TMEM178B: variants seen among roughly 807,000 people sequenced by gnomAD.
The protein encoded by TMEM178B is transmembrane protein 178B.
A neutral mutation model predicts 31.0 loss-of-function variants in TMEM178B; 5 were observed. The observed-to-expected ratio is 0.16, with a 90% CI of 0.08 to 0.34. The LOEUF (loss-of-function observed/expected upper bound fraction) is 0.34. Among genes scored for constraint, TMEM178B ranks in the 10% least tolerant of loss-of-function variants. The pLI, the probability that TMEM178B is intolerant of heterozygous loss-of-function variation, is 1.00. For synonymous variants in TMEM178B, 164 were observed against 164.0 expected (o/e 1.00, Z 0.00); for missense variants, 275 against 400.3 (o/e 0.69, Z 2.67).
chr7:141,305,357 C>T (rs1798798755), intron 2 of TMEM178B, among the ~76,000 whole-genome samples: 1 of 152,186 alleles, frequency 6.6e-6, no homozygotes, highest in South Asian at 2.1e-4. Context: ...TTGTCATACC[C>T]ACCCAATGAG....
At chr7:141,349,473 C>T (rs902457804) in intron 2 of TMEM178B, among the ~76,000 whole-genome samples, 2 of 152,206 alleles carry the variant, frequency 1.3e-5, no homozygotes, top group Non-Finnish European at 2.9e-5. Flanking sequence ...AGATATTCAA[C>T]ATGCGTATTT....
At chr7:141,172,100 G>T (rs1411142087) in intron 1 of TMEM178B, among the ~76,000 whole-genome samples, 1 of 152,178 alleles carries the variant, frequency 6.6e-6, no homozygotes, top group Non-Finnish European at 1.5e-5. Flanking sequence ...GGAAACTGAG[G>T]CATATAGAGA....
intron 2 of TMEM178B, among the ~76,000 whole-genome samples, chr7:141,296,225 G>A (rs186012904): frequency 1.5e-4 from 23 of 152,082 alleles, no homozygotes; most frequent in Admixed American, 1.1e-3. Flanking sequence ...GTACCATCAC[G>A]CTCGTCTAAT....
chr7:141,153,862 T>A (rs1796022498), intron 1 of TMEM178B, among the ~76,000 whole-genome samples: 1 of 152,236 alleles, frequency 6.6e-6, no homozygotes, highest in Non-Finnish European at 1.5e-5. Context: ...TTTTATCATA[T>A]CTTTAACATA....
chr7:141,207,959 G>T (rs1796992042), intron 1 of TMEM178B, among the ~76,000 whole-genome samples: 1 of 152,128 alleles, frequency 6.6e-6, no homozygotes, highest in South Asian at 2.1e-4. Context: ...GGAGACTGAG[G>T]TGGGCAGATC....
chr7:141,101,746 T>A (rs1286765972), intron 1 of TMEM178B, among the ~76,000 whole-genome samples: 1 of 152,248 alleles, frequency 6.6e-6, no homozygotes, highest in Non-Finnish European at 1.5e-5. Flanking sequence ...TTAGTTTTAA[T>A]GGCCTATTAC....
intron 2 of TMEM178B, among the ~76,000 whole-genome samples, chr7:141,303,652 A>C (rs1000249437): frequency 3.9e-5 from 6 of 152,160 alleles, no homozygotes; most frequent in Non-Finnish European, 2.9e-5. Context: ...GTTTTGGTGG[A>C]GAGAGAGCTT....
intron 1 of TMEM178B, among the ~76,000 whole-genome samples, chr7:141,196,456 A>G (rs898171295): frequency 6.6e-6 from 1 of 152,062 alleles, no homozygotes; most frequent in East Asian, 1.9e-4. Context: ...GGAAGTTTCT[A>G]TTTCCCCTGT....
the TMEM178B span, among the ~76,000 whole-genome samples, chr7:141,499,464 C>CAAAAAA: frequency 1.9e-3 from 97 of 50,686 alleles, 3 homozygotes; most frequent in African/African-American, 5.0e-3. Context: ...CACATCTCTA[C>CAAAAAA]AAAAAAAAAA....
intron 2 of TMEM178B, among the ~76,000 whole-genome samples, chr7:141,430,913 C>T (rs1478704222): frequency 2.6e-5 from 4 of 152,130 alleles, no homozygotes; most frequent in Admixed American, 1.3e-4. Flanking sequence ...GCTCTCAGGG[C>T]AGCTAACACC....
chr7:141,223,924 G>A (rs1005292926), intron 2 of TMEM178B, among the ~76,000 whole-genome samples: 3 of 152,122 alleles, frequency 2.0e-5, no homozygotes, highest in African/African-American at 7.2e-5. Context: ...ATAAACTGAC[G>A]TGGTTTGACT....
At chr7:141,346,547 ACTT>A (rs1297760422) in intron 2 of TMEM178B, among the ~76,000 whole-genome samples, 2 of 152,056 alleles carry the variant, frequency 1.3e-5, no homozygotes, top group Non-Finnish European at 2.9e-5. Flanking sequence ...CCTTACCTGT[ACTT>A]CTTCCCTATT....
At chr7:141,355,436 C>T (rs1219472090) in intron 2 of TMEM178B, among the ~76,000 whole-genome samples, 2 of 152,082 alleles carry the variant, frequency 1.3e-5, no homozygotes, top group African/African-American at 4.8e-5. Context: ...GAGAGAGATG[C>T]AGAGCAGATG....
chr7:141,259,759 T>C (rs1797983963), intron 2 of TMEM178B, among the ~76,000 whole-genome samples: 1 of 152,236 alleles, frequency 6.6e-6, no homozygotes, highest in South Asian at 2.1e-4. Context: ...TAGCCAGCAA[T>C]TGGTCAGAGG....
chr7:141,194,968 A>G (rs1298200030), intron 1 of TMEM178B, among the ~76,000 whole-genome samples: 1 of 152,060 alleles, frequency 6.6e-6, no homozygotes, highest in Non-Finnish European at 1.5e-5. Context: ...CTGTACATCA[A>G]CCACAGCTGG....
intron 2 of TMEM178B, among the ~76,000 whole-genome samples, chr7:141,289,767 A>G (rs981108777): frequency 1.3e-5 from 2 of 151,928 alleles, no homozygotes; most frequent in Non-Finnish European, 2.9e-5. Flanking sequence ...GAATGCATCA[A>G]GGTGCAGGGC....
At chr7:141,370,727 C>A (rs1349965694) in intron 2 of TMEM178B, among the ~76,000 whole-genome samples, 1 of 152,198 alleles carries the variant, frequency 6.6e-6, no homozygotes, top group East Asian at 1.9e-4. Context: ...CCAGGGTGAC[C>A]CCTTAGAGTT....
At chr7:141,409,008 G>C (rs994307085) in intron 2 of TMEM178B, among the ~76,000 whole-genome samples, 4 of 152,114 alleles carry the variant, frequency 2.6e-5, no homozygotes, top group African/African-American at 7.2e-5. Context: ...AAAGGCCAGG[G>C]GGCAAAACAG....
chr7:141,338,838 C>T (rs180700704), intron 2 of TMEM178B, among the ~76,000 whole-genome samples: 174 of 152,284 alleles, frequency 1.1e-3, no homozygotes, highest in Admixed American at 2.0e-3. Context: ...CATAAAAAGT[C>T]ACATTATTTT....
Sources: gnomAD v4.1 joint callset for allele counts (sites outside exome capture counted in the v4.1 genomes callset) on GRCh38, gnomAD v4.1.1 for gene constraint, MANE v1.5 for transcripts, NCBI Gene and HGNC (gene_info 2026-07-23, HGNC 2026-07-21) for gene names.